The following C11orf65 variants were observed in gnomAD, a reference collection of about 807,000 sequenced individuals.
C11orf65 encodes the protein chromosome 11 open reading frame 65.
C11orf65 carries 38 observed loss-of-function variants against 35.3 expected under a neutral mutation model. The ratio of observed to expected loss-of-function variants is 1.08; its 90% confidence interval spans 0.83 to 1.41. The LOEUF is 1.41. Ranked by LOEUF, C11orf65 falls within the 40% of genes most tolerant of loss-of-function variation. C11orf65 has a pLI of 0.00. For missense variants in C11orf65, 370 were observed against 367.1 expected (o/e 1.01, Z -0.06); for synonymous variants, 105 against 114.4 (o/e 0.92, Z 0.53).
intron 2 of C11orf65, among the ~76,000 whole-genome samples, chr11:108,364,664 A>C (rs952635618): frequency 1.3e-5 from 2 of 152,186 alleles, no homozygotes; most frequent in African/African-American, 4.8e-5. Context: ...AGTGAGGTCC[A>C]AATAGGCTTG....
chr11:108,446,459 G>A (rs2093260475), intron 2 of C11orf65, among the ~76,000 whole-genome samples: 1 of 151,710 alleles, frequency 6.6e-6, no homozygotes, highest in East Asian at 1.9e-4. Flanking sequence ...CAAGCCAGAA[G>A]ACAGTGGGGG....
intron 3 of C11orf65, among the ~76,000 whole-genome samples, chr11:108,412,786 T>C: frequency 6.6e-6 from 1 of 152,184 alleles, no homozygotes; most frequent in East Asian, 1.9e-4. Context: ...ATACTAACAC[T>C]AATAGAACGA....
intron 6 of C11orf65, among the ~76,000 whole-genome samples, chr11:108,404,097 C>T (rs965901419): frequency 6.6e-6 from 1 of 152,138 alleles, no homozygotes; most frequent in Non-Finnish European, 1.5e-5. Context: ...AATCCCTGAC[C>T]ATCCAGTCAA....
intron 3 of C11orf65, chr11:108,332,653 A>G: frequency 8.6e-7 from 1 of 1,169,060 alleles, no homozygotes; most frequent in South Asian, 1.4e-5. Context: ...TAATCATTCC[A>G]TTGTCTAGAT....
intron 3 of C11orf65, among the ~76,000 whole-genome samples, chr11:108,417,182 T>C (rs1226134713): frequency 2.0e-5 from 3 of 152,102 alleles, no homozygotes; most frequent in Admixed American, 1.3e-4. Flanking sequence ...TTACATTACA[T>C]GTGAATGAAG....
At chr11:108,427,410 T>C (rs187872531) in intron 3 of C11orf65, among the ~76,000 whole-genome samples, 171 of 145,004 alleles carry the variant, frequency 1.2e-3, no homozygotes, top group East Asian at 6.0e-3. Flanking sequence ...AAGACAATTA[T>C]GTGGTCAACA....
intron 6 of C11orf65, chr11:108,317,615 T>TTA (rs376158749): frequency 0.012 from 2,564 of 215,012 alleles, 53 homozygotes; most frequent in East Asian, 0.028. Flanking sequence ...AGGAGTTGTT[T>TTA]TATATATATA....
At chr11:108,381,530 T>C (rs945262035), downstream of C11orf65, among the ~76,000 whole-genome samples, 4 of 152,244 alleles carry the variant, frequency 2.6e-5, no homozygotes, top group Non-Finnish European at 5.9e-5. Flanking sequence ...GAGGCCTGGA[T>C]ACCCACAGTA....
chr11:108,387,316 G>A lies in C11orf65; in HGVS notation c.732-1341C>T, dbSNP rs568381467. Among the ~76,000 whole-genome samples the A allele has an allele frequency of 4.0e-5, 6 of 151,502 alleles. No homozygotes were observed. In the South Asian group the frequency reaches 6.2e-4, roughly 16 times the overall value. ...ATTACAGGTGCCTGCCACCACGCCC[G>A]GCTAATTTTTGTACTTTTAGTACAG... On this transcript the variant is annotated intron_variant, in intron 7 of 8. Transcript: ENST00000393084.
At chr11:108,458,354 T>A (rs866981182) in intron 2 of C11orf65, among the ~76,000 whole-genome samples, 712 of 50,288 alleles carry the variant, frequency 0.014, 3 homozygotes, top group Middle Eastern at 0.065. Context: ...AGACTCTGTC[T>A]CAAAAAAAAA....
At chr11:108,459,726 T>TACGCGCACAC (rs915851145) in intron 2 of C11orf65, among the ~76,000 whole-genome samples, 3 of 138,570 alleles carry the variant, frequency 2.2e-5, no homozygotes, top group African/African-American at 8.1e-5. Context: ...GTCCTCCGTC[T>TACGCGCACAC]ACACACACAC....
chr11:108,360,636 T>A (rs1275129104), intron 2 of C11orf65, among the ~76,000 whole-genome samples: 3 of 149,590 alleles, frequency 2.0e-5, no homozygotes, highest in Non-Finnish European at 4.4e-5. Flanking sequence ...TCAAGGCTGG[T>A]TCAATATATG....
rs1555120044 is a variant in C11orf65, at chr11:108,326,204, G to A, written c.641-17133C>T. 1 of 1,614,090 alleles carries A rather than the reference G, an allele frequency of 6.2e-7. No homozygotes were observed. Among genetic ancestry groups the A allele is most frequent in the Non-Finnish European group, 8.5e-7 (1 of 1,180,002 alleles). ...GTATTCTCAAGCAAATGATCAAGAA[G>A]TTGGATGCCAGCTGTGCAGCGGTTT... On this transcript the variant is annotated intron_variant, in intron 6 of 6. Coordinates refer to the C11orf65 transcript ENST00000525729.
At chr11:108,346,369 A>AATATTTTGTGTACAATAT (rs1344701567) in intron 2 of C11orf65, among the ~76,000 whole-genome samples, 10 of 152,118 alleles carry the variant, frequency 6.6e-5, no homozygotes, top group African/African-American at 9.6e-5. Flanking sequence ...GATATATTTA[A>AATATTTTGTGTACAATAT]ATATTTTGTG....
At chr11:108,329,246 G>C (rs1057523631), downstream of C11orf65, 1 of 1,606,090 alleles carries the variant, frequency 6.2e-7, no homozygotes, top group Non-Finnish European at 8.5e-7. Context: ...CAGGTAACTA[G>C]GTTTCTACAA....
At position 108,345,882 on chromosome 11, in the gene C11orf65, C is replaced by T. The variant is rs141534716; in HGVS notation, c.227-10590G>A. ...TGGTTTGAGAAGCGATTGGCTTATACGCGCAGTGTAGCTACTTCTTCTATT... is the reference window on the plus strand; with the variant it reads ...TGGTTTGAGAAGCGATTGGCTTATATGCGCAGTGTAGCTACTTCTTCTATT... On this transcript the variant is annotated intron_variant, in intron 2 of 3. Coordinates refer to the C11orf65 transcript ENST00000524755. 55 of 1,613,562 alleles carry T rather than the reference C, an allele frequency of 3.4e-5. No homozygotes were observed. Among genetic ancestry groups the T allele is most frequent in the Admixed American group, 6.7e-5 (4 of 59,974 alleles).
chr11:108,371,165 ATTAG>A (rs2091564594), intron 2 of C11orf65, among the ~76,000 whole-genome samples: 1 of 152,162 alleles, frequency 6.6e-6, no homozygotes, highest in Admixed American at 6.6e-5. Flanking sequence ...GATCTTGCTT[ATTAG>A]TTCTTGCCAT....
chr11:108,328,242 C>CTTTCT (rs944383300), downstream of C11orf65, among the ~76,000 whole-genome samples: 52 of 152,108 alleles, frequency 3.4e-4, no homozygotes, highest in East Asian at 7.7e-4. Flanking sequence ...ATGCGATTGT[C>CTTTCT]TTTCTTTTCT....
At chr11:108,433,115 C>G (rs1337802938) in intron 2 of C11orf65, among the ~76,000 whole-genome samples, 3 of 151,930 alleles carry the variant, frequency 2.0e-5, no homozygotes, top group African/African-American at 4.8e-5. Flanking sequence ...GCCTCTCTTT[C>G]CAAACAGACC....
Sources: gnomAD v4.1 joint callset for allele counts (sites outside exome capture counted in the v4.1 genomes callset) on GRCh38, gnomAD v4.1.1 for gene constraint, MANE v1.5 for transcripts, NCBI Gene and HGNC (gene_info 2026-07-23, HGNC 2026-07-21) for gene names.